COX7B2: variants seen among roughly 807,000 people sequenced by gnomAD.
COX7B2 encodes cytochrome c oxidase subunit 7B2.
For synonymous variants in COX7B2, 37 were observed against 32.1 expected (o/e 1.15, Z -0.51); for missense variants, 109 against 95.9 (o/e 1.14, Z -0.57).
chr4:46,734,951 T>C lies in COX7B2; in HGVS notation c.242A>G (p.Gln81Arg). 2.5e-6 allele frequency: 4 copies of C among 1,614,106 alleles called. No individual in the cohort carries two copies. Among genetic ancestry groups the C allele is most frequent in the Non-Finnish European group, 3.4e-6 (4 of 1,179,974 alleles). Reference sequence around the variant, plus strand: ...TCATTACAGCAACTGTGATGGTTACTGATGTTTCCACTCTTTTGGGGTAAC... The same window carrying C: ...TCATTACAGCAACTGTGATGGTTACCGATGTTTCCACTCTTTTGGGGTAAC... ...GRVTPKEWKH[Q>R] is the part of the protein sequence containing the mutation. Residue 81 changes from glutamine (Q) to arginine (R), a missense_variant, in exon 3 of 3, where the codon CAG becomes CGG. Transcript: ENST00000355591.
chr4:46,825,330 GTGAAAGACCTCTACAA>G (rs2109707675), intron 2 of COX7B2, among the ~76,000 whole-genome samples: 1 of 151,996 alleles, frequency 6.6e-6, no homozygotes, highest in Admixed American at 6.6e-5. Flanking sequence ...AACTAGGTAG[GTGAAAGACCTCTACAA>G]TGAAATTTAC....
chr4:46,859,559 T>G (rs999466924), intron 1 of COX7B2, among the ~76,000 whole-genome samples: 1 of 152,236 alleles, frequency 6.6e-6, no homozygotes, highest in African/African-American at 2.4e-5. Flanking sequence ...GTCATATTTA[T>G]GAGATTAATG....
intron 1 of COX7B2, among the ~76,000 whole-genome samples, chr4:46,874,310 C>T (rs1718184229): frequency 6.6e-6 from 1 of 152,078 alleles, no homozygotes; most frequent in African/African-American, 2.4e-5. Context: ...TTTTAAGAAC[C>T]ACAAAATATG....
chr4:46,836,354 T>G (rs58441356), intron 2 of COX7B2, among the ~76,000 whole-genome samples: 1 of 148,568 alleles, frequency 6.7e-6, no homozygotes. Flanking sequence ...ATTTAAAAAA[T>G]TTTTTTTTTA....
intron 1 of COX7B2, among the ~76,000 whole-genome samples, chr4:46,857,897 C>A (rs1717093361): frequency 6.6e-6 from 1 of 152,140 alleles, no homozygotes; most frequent in Non-Finnish European, 1.5e-5. Flanking sequence ...TGTTTCTCTT[C>A]TTTATAGTCT....
At chr4:46,737,289 T>C (rs1385819210) in intron 2 of COX7B2, among the ~76,000 whole-genome samples, 1 of 152,176 alleles carries the variant, frequency 6.6e-6, no homozygotes, top group Non-Finnish European at 1.5e-5. Context: ...ATTCAGGTTG[T>C]TCATTTTCTT....
chr4:46,757,620 C>G (rs1264756708), intron 2 of COX7B2, among the ~76,000 whole-genome samples: 1 of 152,024 alleles, frequency 6.6e-6, no homozygotes, highest in African/African-American at 2.4e-5. Context: ...CCAAACTGTT[C>G]CCCATACAGC....
chr4:46,824,950 C>G (rs1714579223), intron 2 of COX7B2, among the ~76,000 whole-genome samples: 1 of 152,036 alleles, frequency 6.6e-6, no homozygotes, highest in Admixed American at 6.6e-5. Flanking sequence ...ACGCTGGAAG[C>G]ATTCCCCTTG....
At chr4:46,881,780 T>C (rs1376044619) in intron 1 of COX7B2, among the ~76,000 whole-genome samples, 1 of 152,162 alleles carries the variant, frequency 6.6e-6, no homozygotes, top group African/African-American at 2.4e-5. Flanking sequence ...CAGCTTGAGT[T>C]TTCTTTAGTG....
intron 2 of COX7B2, among the ~76,000 whole-genome samples, chr4:46,765,202 C>A (rs146536135): frequency 0.011 from 1,661 of 152,172 alleles, 19 homozygotes; most frequent in Middle Eastern, 0.041. Context: ...GATATCAGAG[C>A]ACCTGGGTGA....
chr4:46,842,116 T>C (rs1221120327), intron 2 of COX7B2, among the ~76,000 whole-genome samples: 2 of 152,050 alleles, frequency 1.3e-5, no homozygotes, highest in Non-Finnish European at 2.9e-5. Flanking sequence ...CCCTATTTGT[T>C]GTCACTGCTA....
chr4:46,851,950 C>A (rs950977300), intron 1 of COX7B2, among the ~76,000 whole-genome samples: 1 of 152,048 alleles, frequency 6.6e-6, no homozygotes, highest in East Asian at 1.9e-4. Context: ...CCACAGATTT[C>A]TTTTTGTAGT....
At chr4:46,907,375 A>G (rs1720456608) in intron 1 of COX7B2, among the ~76,000 whole-genome samples, 1 of 152,132 alleles carries the variant, frequency 6.6e-6, no homozygotes, top group African/African-American at 2.4e-5. Context: ...GCTCTCTATT[A>G]ACAATGAAGC....
chr4:46,790,724 A>G (rs1229718460), intron 2 of COX7B2, among the ~76,000 whole-genome samples: 1 of 152,172 alleles, frequency 6.6e-6, no homozygotes, highest in Non-Finnish European at 1.5e-5. Context: ...CAGTATACTA[A>G]CAGTCTCACT....
At chr4:46,859,865 C>A (rs1560424015) in intron 1 of COX7B2, among the ~76,000 whole-genome samples, 1 of 152,168 alleles carries the variant, frequency 6.6e-6, no homozygotes, top group African/African-American at 2.4e-5. Flanking sequence ...AAAGTGGGTA[C>A]AAATACAGCT....
intron 2 of COX7B2, among the ~76,000 whole-genome samples, chr4:46,779,953 G>A (rs1419713681): frequency 6.6e-6 from 1 of 152,088 alleles, no homozygotes; most frequent in Admixed American, 6.5e-5. Flanking sequence ...GTAAAAATGT[G>A]TTAAGAGTAG....
At chr4:46,892,220 T>C (rs1218740826) in intron 1 of COX7B2, among the ~76,000 whole-genome samples, 2 of 152,276 alleles carry the variant, frequency 1.3e-5, no homozygotes, top group South Asian at 2.1e-4. Flanking sequence ...TAGATTATGG[T>C]ATAGACTAAA....
intron 2 of COX7B2, among the ~76,000 whole-genome samples, chr4:46,830,324 C>CAAAAAAAAAAAA (rs201868075): frequency 2.8e-4 from 23 of 81,954 alleles, no homozygotes; most frequent in Non-Finnish European, 3.2e-4. Context: ...ACTCTGTCTC[C>CAAAAAAAAAAAA]AAAAAAAAAA....
intron 2 of COX7B2, among the ~76,000 whole-genome samples, chr4:46,764,572 G>T (rs1310467003): frequency 6.9e-6 from 1 of 145,418 alleles, no homozygotes; most frequent in Non-Finnish European, 1.5e-5. Context: ...GAAAAGAAAA[G>T]AAAATACTGC....
Sources: allele counts gnomAD v4.1 joint callset (sites outside exome capture counted in the v4.1 genomes callset), GRCh38; gene constraint gnomAD v4.1.1; transcripts MANE v1.5; gene names NCBI Gene and HGNC (gene_info 2026-07-23, HGNC 2026-07-21).